Variants in MAN1A2 observed in about 807,000 individuals in gnomAD.
MAN1A2 encodes the protein mannosyl-oligosaccharide 1,2-alpha-mannosidase IB.
MAN1A2 carries 26 observed loss-of-function variants against 75.7 expected under a neutral mutation model. That is an observed-to-expected ratio of 0.34 (90% CI 0.25 to 0.48). The LOEUF (loss-of-function observed/expected upper bound fraction) is 0.48. MAN1A2 is among the 20% of genes least tolerant of loss of function. MAN1A2 has a pLI of 0.99. For synonymous variants in MAN1A2, 247 were observed against 264.6 expected (o/e 0.93, Z 0.65); for missense variants, 562 against 775.5 (o/e 0.72, Z 3.27).
intron 12 of MAN1A2, among the ~76,000 whole-genome samples, chr1:117,509,924 T>C (rs1570801922): frequency 6.6e-6 from 1 of 151,698 alleles, no homozygotes; most frequent in African/African-American, 2.4e-5. Flanking sequence ...TCTGGGTATA[T>C]GCAAACATAT....
At chr1:117,473,848 C>A (rs780018097) in intron 8 of MAN1A2, among the ~76,000 whole-genome samples, 17 of 151,938 alleles carry the variant, frequency 1.1e-4, no homozygotes, top group Non-Finnish European at 1.8e-4. Context: ...CATATTTTCT[C>A]TGTGAATTAG....
Position 117,523,488 on chromosome 1 carries a change from A to G in MAN1A2, c.*531A>G. 4.3e-6 allele frequency: 1 copy of G among 233,330 alleles called. No homozygotes were observed. The highest frequency in any genetic ancestry group is 8.7e-6 in the Non-Finnish European group (1 of 114,310). The allele number at this position is 233,330 out of a possible 1,614,324, so 14.5% of individuals were successfully genotyped here. A position where few individuals can be genotyped will look rare whatever the true frequency, so the allele number is the denominator to read the frequency against. On this transcript the variant is annotated 3_prime_UTR_variant, in exon 13 of 13. Transcript: ENST00000356554. ...ATTATATCAGTAACAAGAAGACTCAAAAAAGAAACAGGAGTACCTATCCCT... is the reference window on the plus strand; with the variant it reads ...ATTATATCAGTAACAAGAAGACTCAGAAAAGAAACAGGAGTACCTATCCCT...
chr1:117,510,865 G>C (rs531465663), intron 12 of MAN1A2, among the ~76,000 whole-genome samples: 1 of 152,082 alleles, frequency 6.6e-6, no homozygotes, highest in South Asian at 2.1e-4. Context: ...GTGCCTGCCT[G>C]TAAAAATATG....
chr1:117,508,512 A>G (rs531561902), intron 12 of MAN1A2, among the ~76,000 whole-genome samples: 9 of 151,734 alleles, frequency 5.9e-5, no homozygotes, highest in African/African-American at 7.2e-5. Context: ...CTGGAAAGCT[A>G]TATAAGAATA....
In MAN1A2 at chr1:117,420,656, A is replaced by G; in HGVS notation, c.855+7A>G. The G allele has an allele frequency of 6.2e-7, 1 of 1,600,694 alleles. No individual in the cohort carries two copies. The highest frequency in any genetic ancestry group is 8.6e-7 in the Non-Finnish European group (1 of 1,168,416). On this transcript the variant is annotated splice_region_variant and intron_variant, in intron 5 of 12. Transcript: ENST00000356554. ...TTACCTATCAGGAGAGGAGGTGAGC[A>G]AAATCAAGCAATGCATTGTTTGTTT...
In MAN1A2 at chr1:117,526,653, T is replaced by C. The variant is rs1652026847; in HGVS notation, c.*3696T>C. The C allele has an allele frequency of 6.6e-6, 1 of 151,282 alleles. No individual in the cohort carries two copies. Among genetic ancestry groups the C allele is most frequent in the Non-Finnish European group, 1.5e-5 (1 of 67,580 alleles). 9.4% of individuals were successfully genotyped at this position (151,282 alleles called of 1,614,324 possible). On this transcript the variant is annotated 3_prime_UTR_variant, in exon 13 of 13. Transcript: ENST00000356554. ...CAAAAAGATTTTGTCACATAATTCA[T>C]GGGTAAAACTTGCAGTTGTAAATTG...
At position 117,504,819 on chromosome 1, in the gene MAN1A2, A is replaced by C. The variant is rs867212601; in HGVS notation, c.1793+1849A>C. Reference sequence around the variant, plus strand: ...CTAGTTGCTTTGAGGAATGTTCCCCATTTTAGATTTTTTTCTAATTGTTCC... The same window carrying C: ...CTAGTTGCTTTGAGGAATGTTCCCCCTTTTAGATTTTTTTCTAATTGTTCC... On this transcript the variant is annotated intron_variant, in intron 12 of 12. Transcript: ENST00000356554. 3.8e-3 allele frequency among the ~76,000 whole-genome samples: 568 copies of C among 151,360 alleles called. 6 individuals are homozygous for C. The highest frequency in any genetic ancestry group is 0.017 in the Middle Eastern group (5 of 294).
At chr1:117,395,232 G>A (rs1205471044) in intron 1 of MAN1A2, among the ~76,000 whole-genome samples, 2 of 152,202 alleles carry the variant, frequency 1.3e-5, no homozygotes, top group Non-Finnish European at 2.9e-5. Flanking sequence ...ACAGTTTTCA[G>A]TATCTGCACA....
intron 6 of MAN1A2, among the ~76,000 whole-genome samples, chr1:117,454,403 G>A (rs1557957411): frequency 6.6e-6 from 1 of 152,050 alleles, no homozygotes; most frequent in East Asian, 1.9e-4. Context: ...TTTACATTGG[G>A]GAACCAAAAT....
rs566098930 is a variant in MAN1A2 at position 117,436,793 on chromosome 1, T to A, written c.856-5438T>A. 6.1e-4 allele frequency among the ~76,000 whole-genome samples: 93 copies of A among 152,306 alleles called. 1 individual carries two copies. Among genetic ancestry groups the A allele is most frequent in the African/African-American group, 2.2e-3 (90 of 41,564 alleles). On this transcript the variant is annotated intron_variant, in intron 5 of 12. Transcript: ENST00000356554. ...TGGAGGTGGGGCATGTATAGTCCAA[T>A]GCAAATGAACTTGAAGCTTTGGCTG... is the stretch of plus-strand genomic sequence containing the variant.
At position 117,466,336 on chromosome 1, in the gene MAN1A2, T is replaced by C. The variant is rs34355735; in HGVS notation, c.1077T>C (p.Val359=). The C allele has an allele frequency of 1.0e-5, 16 of 1,595,196 alleles. No individual in the cohort carries two copies. The highest frequency in any genetic ancestry group is 1.4e-5 in the Non-Finnish European group (16 of 1,164,876). Residue 359 remains valine, a splice_region_variant and synonymous_variant, in exon 8 of 13, where the codon GTT becomes GTC. Coordinates refer to ENST00000356554, the MANE Select transcript of MAN1A2 (RefSeq NM_006699.5). ...ATTCTTAATTTTATTTTACTCAGGT[T>C]ATGCACATTCGGAAACTACTTCAGA... ...LTGDLTYYKK[V]MHIRKLLQKM...
chr1:117,472,305 A>G (rs1650185379), intron 8 of MAN1A2, among the ~76,000 whole-genome samples: 2 of 152,058 alleles, frequency 1.3e-5, no homozygotes, highest in Non-Finnish European at 2.9e-5. Context: ...ACCACCTGTT[A>G]GGGAAAAGGA....
chr1:117,508,464 G>C (rs1290548), intron 12 of MAN1A2, among the ~76,000 whole-genome samples: 129,857 of 151,242 alleles, frequency 0.86, 55,955 homozygotes, highest in East Asian at 0.94. Context: ...TTTTTCCTCC[G>C]TATCTCTTGA....
intron 9 of MAN1A2, chr1:117,494,506 T>C (rs1244045992): frequency 6.6e-6 from 1 of 152,080 alleles, no homozygotes; most frequent in Non-Finnish European, 1.5e-5. Flanking sequence ...CCAAGAATCT[T>C]ATCCATTTTA....
chr1:117,385,608 T>G (rs987717444), intron 1 of MAN1A2, among the ~76,000 whole-genome samples: 15 of 152,034 alleles, frequency 9.9e-5, no homozygotes, highest in Non-Finnish European at 1.9e-4. Context: ...GGGGGTGGGG[T>G]GATGAGTTAA....
intron 6 of MAN1A2, among the ~76,000 whole-genome samples, chr1:117,458,519 A>T (rs1476908060): frequency 5.2e-4 from 50 of 96,312 alleles, no homozygotes; most frequent in African/African-American, 1.5e-3. Flanking sequence ...ATAGATATAT[A>T]TATATTTTTT....
intron 1 of MAN1A2, among the ~76,000 whole-genome samples, chr1:117,386,513 A>G (rs893128154): frequency 5.9e-5 from 9 of 152,176 alleles, no homozygotes; most frequent in African/African-American, 2.2e-4. Flanking sequence ...CCAGTAGTGC[A>G]TTTAAGAAAA....
rs1291317820 is a variant in MAN1A2, at chr1:117,526,876, CTCTCTATA to C, written c.*3921_*3928del. On this transcript the variant is annotated 3_prime_UTR_variant, in exon 13 of 13. Transcript: ENST00000356554. The stretch of plus-strand genomic sequence containing the variant: ...TCTCTCTCTCTCTCTCTCTCTCTCT[CTCTCTATA>C]TATATATATATATATATATATATAT... 9.1e-4 allele frequency: 62 copies of C among 67,998 alleles called. No individual in the cohort carries two copies. Among genetic ancestry groups the C allele is most frequent in the Admixed American group, 1.8e-3 (11 of 6,152 alleles). The allele number at this position is 67,998 out of a possible 1,614,324, so 4.2% of individuals were successfully genotyped here.
At chr1:117,499,320 A>C (rs932739482) in intron 10 of MAN1A2, 62 bp from the exon 11 acceptor site, 2 of 1,197,606 alleles carry the variant, frequency 1.7e-6, no homozygotes, top group Non-Finnish European at 2.2e-6. Context: ...GGAAGAAAGA[A>C]GTCCTTGCAA....
Sources: gnomAD v4.1 joint callset for allele counts (sites outside exome capture counted in the v4.1 genomes callset) on GRCh38, gnomAD v4.1.1 for gene constraint, MANE v1.5 for transcripts, NCBI Gene and HGNC (gene_info 2026-07-23, HGNC 2026-07-21) for gene names.